Variants in STK36 observed in about 807,000 individuals in gnomAD.
The protein encoded by STK36 is serine/threonine kinase 36.
A neutral mutation model predicts 142.2 loss-of-function variants in STK36; 116 were observed. The observed-to-expected ratio is 0.82, with a 90% CI of 0.70 to 0.95. The LOEUF (loss-of-function observed/expected upper bound fraction) is 0.95. Among genes scored for constraint, STK36 ranks in the 40% least tolerant of loss-of-function variants. STK36 has a pLI of 0.00. For synonymous variants in STK36, 619 were observed against 641.7 expected (o/e 0.96, Z 0.53); for missense variants, 1,422 against 1,617.2 (o/e 0.88, Z 2.07).
At position 218,692,674 on chromosome 2, in the gene STK36, T is replaced by TTC; in HGVS notation, c.2007_2008insTC (p.Val670SerfsTer22). On this transcript the variant is annotated frameshift_variant, in exon 16 of 27. Coordinates refer to ENST00000295709, the MANE Select transcript of STK36 (RefSeq NM_015690.5). LOFTEE classifies it high-confidence loss of function. ...CCCTGGCAGCCATATGCACTGCTCCTGTGGGACTGCCCGACTGCTGGGATG... is the reference window on the plus strand; with the variant it reads ...CCCTGGCAGCCATATGCACTGCTCCTTCGTGGGACTGCCCGACTGCTGGGATG... The TTC allele has an allele frequency of 6.2e-7, 1 of 1,613,502 alleles. No homozygotes were observed. Among genetic ancestry groups the TTC allele is most frequent in the Non-Finnish European group, 8.5e-7 (1 of 1,179,918 alleles).
At chr2:218,686,780 C>T (rs1341362292) in intron 11 of STK36, among the ~76,000 whole-genome samples, 3 of 152,136 alleles carry the variant, frequency 2.0e-5, no homozygotes, top group Non-Finnish European at 2.9e-5. Flanking sequence ...TGGGTAACTA[C>T]GTAGGAGTAG....
intron 10 of STK36, among the ~76,000 whole-genome samples, chr2:218,681,560 A>G (rs939936851): frequency 1.3e-5 from 2 of 152,184 alleles, no homozygotes; most frequent in South Asian, 2.1e-4. Flanking sequence ...TTGTGCCACT[A>G]TAACAGAATA....
chr2:218,680,590 C>G lies in STK36; in HGVS notation c.1137-13C>G. ...GTTTGGAACCCGTTCTACCCCTTGG[C>G]TTCCTCCGGCAGGGAAAACCGGACC... On this transcript the variant is annotated splice_polypyrimidine_tract_variant and intron_variant, in intron 9 of 26. Coordinates refer to ENST00000295709, the MANE Select transcript of STK36 (RefSeq NM_015690.5). 6.2e-7 allele frequency: 1 copy of G among 1,608,366 alleles called. No homozygotes were observed. The highest frequency in any genetic ancestry group is 1.1e-5 in the South Asian group (1 of 89,674).
chr2:218,698,661 C>T lies in STK36; in HGVS notation c.3117C>T (p.Arg1039=). 1.2e-6 allele frequency: 2 copies of T among 1,614,192 alleles called. No homozygotes were observed. The highest frequency in any genetic ancestry group is 1.7e-6 in the Non-Finnish European group (2 of 1,180,032). ...AGCTGCCCATCAGCCTTCTCACACG[C>T]CTGGCCCTCATGGATCCCACCTCTC... is the stretch of plus-strand genomic sequence containing the variant. ...QVELPISLLT[R]LALMDPTSLN... Residue 1039 remains arginine (R), a synonymous_variant, in exon 26 of 27, where the codon CGC becomes CGT. Transcript: ENST00000295709.
chr2:218,695,598 A>G (rs2106364234), intron 21 of STK36, among the ~76,000 whole-genome samples: 1 of 131,476 alleles, frequency 7.6e-6, no homozygotes, highest in African/African-American at 3.0e-5. Context: ...TAGTGGCACG[A>G]TCTTGGCTCA....
chr2:218,702,185 A>T lies in STK36; in HGVS notation c.*176A>T. On this transcript the variant is annotated 3_prime_UTR_variant, in exon 27 of 27. Transcript: ENST00000295709. ...ATATAAAGCTTCTTCCTTCTCCCAG[A>T]TGCAGGATGTTTTCAACCAGTAAAT... 1.3e-6 allele frequency: 1 copy of T among 747,412 alleles called. No homozygotes were observed. Among genetic ancestry groups the T allele is most frequent in the Admixed American group, 3.5e-5 (1 of 28,396 alleles). 46.3% of individuals were successfully genotyped at this position (747,412 alleles called of 1,614,324 possible).
chr2:218,702,119 C>A lies in STK36; in HGVS notation c.*110C>A. 7.4e-7 allele frequency: 1 copy of A among 1,348,108 alleles called. No individual in the cohort carries two copies. The highest frequency in any genetic ancestry group is 1.0e-6 in the Non-Finnish European group (1 of 999,368). The allele number at this position is 1,348,108 out of a possible 1,614,324, so 83.5% of individuals were successfully genotyped here. On this transcript the variant is annotated 3_prime_UTR_variant, in exon 27 of 27. Coordinates refer to ENST00000295709, the MANE Select transcript of STK36 (RefSeq NM_015690.5). ...CTAAAGAGACTAGAAAAGAGATAAG[C>A]TGCCAACTCAACTGAGAACAAGAAA...
chr2:218,680,754 C>A, intron 10 of STK36, 52 bp downstream of exon 10: 1 of 1,509,454 alleles, frequency 6.6e-7, no homozygotes, highest in South Asian at 1.2e-5. Context: ...GATGTTAAGT[C>A]TAGGTAGATG....
intron 23 of STK36, 107 bp downstream of exon 23, chr2:218,697,320 T>TG: frequency 6.6e-7 from 1 of 1,518,144 alleles, no homozygotes. Flanking sequence ...TGCTTTTGCC[T>TG]GGGGACAGGA....
Position 218,697,198 on chromosome 2 carries a change from C to T in STK36, c.2746C>T (p.Leu916=). ...SPPSPEPDWT[L]ISPQGMAALL... is the part of the protein sequence containing the mutation. ...ACCAAGCCCTGAGCCAGACTGGACACTGATTTCTCCCCAGGGTATCTTTCT... is the reference window on the plus strand; with the variant it reads ...ACCAAGCCCTGAGCCAGACTGGACATTGATTTCTCCCCAGGGTATCTTTCT... Residue 916 remains leucine (L), a synonymous_variant, in exon 23 of 27, where the codon CTG becomes TTG. Coordinates refer to ENST00000295709, the MANE Select transcript of STK36 (RefSeq NM_015690.5). The T allele has an allele frequency of 6.2e-7, 1 of 1,612,606 alleles. No individual in the cohort carries two copies. The highest frequency in any genetic ancestry group is 1.1e-5 in the South Asian group (1 of 90,798).
At position 218,679,411 on chromosome 2, in the gene STK36, A is replaced by AAGT. The variant is rs1940400171; in HGVS notation, c.779-149_779-148insAGT. On this transcript the variant is annotated intron_variant, in intron 7 of 26. Coordinates refer to ENST00000295709, the MANE Select transcript of STK36 (RefSeq NM_015690.5). ...CCTAGCCCTTCACTTAACCTTTGCC[A>AAGT]CTTCCCTTACAACCCACTCTCTCTC... 3.2e-6 allele frequency: 4 copies of AAGT among 1,269,710 alleles called. No homozygotes were observed. In the African/African-American group the frequency reaches 4.5e-5, roughly 14 times the overall value. 78.7% of individuals were successfully genotyped at this position (1,269,710 alleles called of 1,614,324 possible).
intron 11 of STK36, among the ~76,000 whole-genome samples, chr2:218,687,547 T>A (rs926707317): frequency 6.6e-6 from 1 of 152,164 alleles, no homozygotes; most frequent in Admixed American, 6.5e-5. Flanking sequence ...TTTGCACTTG[T>A]CTTTTGGCGC....
At chr2:218,673,809 G>GTTCCAGGAAT in intron 3 of STK36, 44 bp downstream of exon 3, 2 of 1,613,794 alleles carry the variant, frequency 1.2e-6, no homozygotes, top group Non-Finnish European at 1.7e-6. Flanking sequence ...AAGCACAAGG[G>GTTCCAGGAAT]TTCCAGGAAT....
rs766383694 is a variant in STK36 at position 218,699,118 on chromosome 2, G to A, written c.3574G>A (p.Ala1192Thr). The part of the protein sequence containing the change: ...QAGPLGPALA[A>T]AVPSMTQLLG... ...TGGTCCTCTGGGACCTGCCCTGGCA[G>A]CTGCAGTGCCCAGTATGACCCAGCT... is the stretch of plus-strand genomic sequence containing the variant. Residue 1192 changes from alanine (A) to threonine (T), a missense_variant, in exon 26 of 27, where the codon GCT becomes ACT. By Grantham distance (58) the Ala-to-Thr change is moderately conservative. This residue lies in a region of STK36 where 962 missense variants were observed against 1,167.5 expected (regional missense o/e 0.82). Transcript: ENST00000295709. 1.2e-6 allele frequency: 2 copies of A among 1,613,944 alleles called. No homozygotes were observed. Among genetic ancestry groups the A allele is most frequent in the African/African-American group, 2.7e-5 (2 of 74,926 alleles).
In STK36 at chr2:218,679,694, G is replaced by A. The variant is rs1457094148; in HGVS notation, c.913G>A (p.Ala305Thr). 6.2e-7 allele frequency: 1 copy of A among 1,614,088 alleles called. No individual in the cohort carries two copies. The highest frequency in any genetic ancestry group is 1.3e-5 in the African/African-American group (1 of 74,912). Residue 305 changes from alanine to threonine, a missense_variant, in exon 8 of 27, where the codon GCC becomes ACC. Around this residue, in one of 2 missense-constraint regions of STK36, gnomAD observed 460 missense variants for 449.6 expected, o/e 1.02. Coordinates refer to ENST00000295709, the MANE Select transcript of STK36 (RefSeq NM_015690.5). Reference sequence around the variant, plus strand: ...TAATCAGTCTCGCATCTTGACTCAGGCCTATAAACGCATGGCTGAGGAGGC... The same window carrying A: ...TAATCAGTCTCGCATCTTGACTCAGACCTATAAACGCATGGCTGAGGAGGC... ...KGNQSRILTQ[A>T]YKRMAEEAMQ...
chr2:218,676,525 G>A (rs1475240316), intron 6 of STK36, among the ~76,000 whole-genome samples: 2 of 151,938 alleles, frequency 1.3e-5, no homozygotes, highest in African/African-American at 2.4e-5. Context: ...GGAAGCCTCA[G>A]GAAACTTACA....
intron 26 of STK36, 39 bp downstream of exon 26, chr2:218,699,387 C>A: frequency 6.3e-7 from 1 of 1,580,626 alleles, no homozygotes; most frequent in South Asian, 1.2e-5. Flanking sequence ...ATGATCAGGG[C>A]CCCTATAGTT....
At chr2:218,674,449 T>C (rs566210493) in intron 4 of STK36, among the ~76,000 whole-genome samples, 1 of 152,316 alleles carries the variant, frequency 6.6e-6, no homozygotes, top group East Asian at 1.9e-4. Flanking sequence ...TGGGATTTTG[T>C]TGCACATATC....
At chr2:218,697,424 T>C (rs1941277341) in intron 23 of STK36, 39 bp from the exon 24 acceptor site, 1 of 1,609,174 alleles carries the variant, frequency 6.2e-7, no homozygotes, top group East Asian at 2.2e-5. Flanking sequence ...TCTGGGCGTC[T>C]TGCCTGTTCC....
Sources: allele counts gnomAD v4.1 joint callset (sites outside exome capture counted in the v4.1 genomes callset), GRCh38; gene constraint gnomAD v4.1.1; regional missense constraint gnomAD v4.1.1; transcripts MANE v1.5; gene names NCBI Gene and HGNC (gene_info 2026-07-23, HGNC 2026-07-21).